The following CCDC3 variants were observed in gnomAD, a reference collection of about 807,000 sequenced individuals.
The protein encoded by CCDC3 is coiled-coil domain containing 3.
Under a neutral mutation model 21.4 loss-of-function variants are expected in CCDC3, and 24 were observed. The observed-to-expected ratio is 1.12, with a 90% CI of 0.81 to 1.58. CCDC3 has a LOEUF of 1.58. CCDC3 is among the 40% of genes most tolerant of loss of function. The probability of loss-of-function intolerance (pLI) is 0.00; values close to 1 mark genes in which losing one functional copy is unlikely to be tolerated. For missense variants in CCDC3, 425 were observed against 360.9 expected (o/e 1.18, Z -1.44); for synonymous variants, 186 against 166.0 (o/e 1.12, Z -0.93).
chr10:12,904,379 G>T (rs1404410957), intron 2 of CCDC3, among the ~76,000 whole-genome samples: 1 of 148,806 alleles, frequency 6.7e-6, no homozygotes, highest in East Asian at 2.0e-4. Context: ...TGAAGCTAGA[G>T]GATCACTTGA....
At chr10:12,914,801 C>A (rs1323587623) in intron 2 of CCDC3, among the ~76,000 whole-genome samples, 1 of 152,042 alleles carries the variant, frequency 6.6e-6, no homozygotes, top group African/African-American at 2.4e-5. Context: ...TTTGTCTTTT[C>A]AAAAAACCAA....
intron 2 of CCDC3, among the ~76,000 whole-genome samples, chr10:12,957,184 C>A (rs899105677): frequency 6.6e-6 from 1 of 152,138 alleles, no homozygotes; most frequent in Non-Finnish European, 1.5e-5. Flanking sequence ...ACTGACCAAC[C>A]CCCCTGGCCA....
At chr10:12,955,954 TGCCTCA>T (rs1835077057) in intron 2 of CCDC3, among the ~76,000 whole-genome samples, 3 of 152,002 alleles carry the variant, frequency 2.0e-5, no homozygotes, top group Admixed American at 1.3e-4. Flanking sequence ...GTGACCTGCC[TGCCTCA>T]GCCTCCCAAA....
At chr10:13,062,261 T>C (rs1171482900) in intron 4 of CCDC3, among the ~76,000 whole-genome samples, 5 of 152,154 alleles carry the variant, frequency 3.3e-5, no homozygotes, top group African/African-American at 1.2e-4. Flanking sequence ...TCCTGAACAA[T>C]TGGCCTGCTT....
rs750437773 is a variant in CCDC3, at chr10:13,001,366, C to G, written c.205G>C (p.Gly69Arg). 1 of 1,594,726 alleles carries G rather than the reference C, an allele frequency of 6.3e-7. No individual in the cohort carries two copies. Residue 69 changes from glycine to arginine, a missense_variant, in exon 1 of 3, where the codon GGC (glycine) becomes CGC (arginine). Coordinates refer to ENST00000378825, the MANE Select transcript of CCDC3 (RefSeq NM_031455.4). ...GCCGAGTAGAAGAGGCCCCCCTGGCCGGCGTGGTACTGCCAGGGCAGGTGG... is the reference window on the plus strand; with the variant it reads ...GCCGAGTAGAAGAGGCCCCCCTGGCGGGCGTGGTACTGCCAGGGCAGGTGG... ...YNHLPWQYHAGQGGLFYSAEV... is the reference protein window; with the variant it reads ...YNHLPWQYHARQGGLFYSAEV...
chr10:13,046,947 TAAA>T (rs57820167), intron 5 of CCDC3, among the ~76,000 whole-genome samples: 1 of 135,608 alleles, frequency 7.4e-6, no homozygotes, highest in Non-Finnish European at 1.6e-5. Flanking sequence ...ATTCACTTTC[TAAA>T]AAAAAAAAAA....
At chr10:13,084,358 TCAC>T in intron 3 of CCDC3, among the ~76,000 whole-genome samples, 1 of 151,186 alleles carries the variant, frequency 6.6e-6, no homozygotes, top group East Asian at 2.0e-4. Context: ...CAATCTCTGC[TCAC>T]CACAACCTCC....
chr10:13,005,302 G>A (rs1835913524), upstream of CCDC3, among the ~76,000 whole-genome samples: 1 of 152,192 alleles, frequency 6.6e-6, no homozygotes, highest in African/African-American at 2.4e-5. Flanking sequence ...TAAACCATAT[G>A]AGTGGAAGAG....
chr10:13,051,888 G>C (rs541335838), intron 4 of CCDC3, among the ~76,000 whole-genome samples: 1 of 152,126 alleles, frequency 6.6e-6, no homozygotes, highest in South Asian at 2.1e-4. Context: ...ACTTCCGCTT[G>C]GACAGGACAA....
At chr10:12,986,601 C>T (rs914622100) in intron 2 of CCDC3, among the ~76,000 whole-genome samples, 1 of 152,022 alleles carries the variant, frequency 6.6e-6, no homozygotes, top group Non-Finnish European at 1.5e-5. Context: ...GGTGAAACCC[C>T]ATCTCCACTA....
chr10:13,023,377 A>C (rs984133377), intron 5 of CCDC3, among the ~76,000 whole-genome samples: 1 of 152,094 alleles, frequency 6.6e-6, no homozygotes, highest in Non-Finnish European at 1.5e-5. Flanking sequence ...ACATGGCTGA[A>C]AGTTGGTGCT....
rs66476163 is a variant in CCDC3, at chr10:13,090,034, G to GAT, written c.-503+8489_-503+8490dup. ...TTTATGGCTGAGTAGTATTCCGTTA[G>GAT]ATATATATATATATATATATATATA... On this transcript the variant is annotated intron_variant, in intron 3 of 6. Coordinates refer to the CCDC3 transcript ENST00000378839. Among the ~76,000 whole-genome samples the GAT allele has an allele frequency of 1.0e-3, 129 of 128,914 alleles. 1 individual carries two copies. Among genetic ancestry groups the GAT allele is most frequent in the African/African-American group, 3.5e-3 (113 of 32,674 alleles). The allele number at this position is 128,914 out of a possible 152,430, so 84.6% of individuals were successfully genotyped here.
intron 5 of CCDC3, among the ~76,000 whole-genome samples, chr10:13,042,935 AAAAG>A (rs1836481260): frequency 6.7e-6 from 1 of 150,038 alleles, no homozygotes; most frequent in Non-Finnish European, 1.5e-5. Flanking sequence ...AAAGAAAAGA[AAAAG>A]AAAACTCCAT....
intron 2 of CCDC3, among the ~76,000 whole-genome samples, chr10:12,947,830 T>G (rs1361110513): frequency 6.6e-6 from 1 of 152,262 alleles, no homozygotes. Flanking sequence ...GGTCAGGTAT[T>G]GTGCTAAGCA....
intron 2 of CCDC3, among the ~76,000 whole-genome samples, chr10:12,949,942 T>C (rs994389723): frequency 1.3e-5 from 2 of 152,204 alleles, no homozygotes; most frequent in African/African-American, 2.4e-5. Flanking sequence ...AAAGCAGCCA[T>C]GTGGTATCCA....
chr10:12,908,753 C>T (rs540830664), intron 2 of CCDC3, among the ~76,000 whole-genome samples: 8 of 151,990 alleles, frequency 5.3e-5, no homozygotes, highest in East Asian at 1.9e-4. Context: ...CCACCATGCC[C>T]GGCTACTTTT....
chr10:12,975,816 G>A (rs1462845143), intron 2 of CCDC3, among the ~76,000 whole-genome samples: 1 of 152,198 alleles, frequency 6.6e-6, no homozygotes, highest in Admixed American at 6.5e-5. Context: ...AAGGGTGACA[G>A]AATGAGCCCA....
chr10:12,981,172 C>T (rs1242212280), intron 2 of CCDC3, among the ~76,000 whole-genome samples: 1 of 140,658 alleles, frequency 7.1e-6, no homozygotes, highest in Non-Finnish European at 1.5e-5. Flanking sequence ...TGCATCTGGC[C>T]CAGGATTTTT....
At chr10:12,970,422 T>C (rs2131264083) in intron 2 of CCDC3, among the ~76,000 whole-genome samples, 1 of 152,256 alleles carries the variant, frequency 6.6e-6, no homozygotes, top group South Asian at 2.1e-4. Context: ...ATTGGAAAAT[T>C]GCTAAAAGAG....
Sources: gnomAD v4.1 joint callset for allele counts (sites outside exome capture counted in the v4.1 genomes callset) on GRCh38, gnomAD v4.1.1 for gene constraint, MANE v1.5 for transcripts, NCBI Gene and HGNC (gene_info 2026-07-23, HGNC 2026-07-21) for gene names.